LRBA: variants seen among roughly 807,000 people sequenced by gnomAD.
LRBA encodes the protein LPS responsive beige-like anchor protein.
Under a neutral mutation model 330.0 loss-of-function variants are expected in LRBA, and 176 were observed. The ratio of observed to expected loss-of-function variants is 0.53; its 90% CI spans 0.47 to 0.60. The LOEUF is 0.60. Ranked by LOEUF, LRBA falls within the 20% of genes least tolerant of loss-of-function variation. LRBA has a pLI of 0.00. For synonymous variants in LRBA, 1,230 were observed against 1,193.0 expected (o/e 1.03, Z -0.64); for missense variants, 3,259 against 3,444.8 (o/e 0.95, Z 1.35).
intron 31 of LRBA, 47 bp from the exon 32 acceptor site, chr4:150,808,445 A>C (rs776124504): frequency 1.9e-6 from 2 of 1,040,794 alleles, no homozygotes; most frequent in Non-Finnish European, 3.0e-6. Context: ...GCTTTTAGAT[A>C]TGAAGATTTA....
intron 47 of LRBA, among the ~76,000 whole-genome samples, chr4:150,380,132 T>C (rs1741985884): frequency 1.3e-5 from 2 of 149,158 alleles, no homozygotes; most frequent in African/African-American, 2.5e-5. Context: ...TGAGCCGAGA[T>C]CACGCCATTG....
At chr4:150,399,869 G>A (rs1745233517) in intron 47 of LRBA, among the ~76,000 whole-genome samples, 2 of 152,252 alleles carry the variant, frequency 1.3e-5, no homozygotes, top group African/African-American at 4.8e-5. Flanking sequence ...CCAGCTACAC[G>A]GGAGGCTGAG....
chr4:150,672,104 G>A (rs1782112467), intron 37 of LRBA, among the ~76,000 whole-genome samples: 1 of 152,106 alleles, frequency 6.6e-6, no homozygotes, highest in African/African-American at 2.4e-5. Flanking sequence ...TCCAATCTTT[G>A]ACTATTTAAA....
At chr4:150,350,567 C>CAAAAA (rs34934931) in intron 47 of LRBA, among the ~76,000 whole-genome samples, 25 of 138,458 alleles carry the variant, frequency 1.8e-4, no homozygotes, top group Admixed American at 3.6e-4. Context: ...AACTCCATCT[C>CAAAAA]AAAAAAAAAA....
intron 47 of LRBA, among the ~76,000 whole-genome samples, chr4:150,379,413 T>C (rs1392459187): frequency 6.6e-6 from 1 of 150,920 alleles, no homozygotes; most frequent in Non-Finnish European, 1.5e-5. Context: ...AAATATCAAG[T>C]TTGTATTAGA....
At chr4:150,665,560 T>C (rs994895661) in intron 37 of LRBA, among the ~76,000 whole-genome samples, 1 of 152,214 alleles carries the variant, frequency 6.6e-6, no homozygotes, top group African/African-American at 2.4e-5. Flanking sequence ...GCACCCCTTT[T>C]TAATCAACCT....
chr4:150,356,439 C>T (rs13435892), intron 47 of LRBA, among the ~76,000 whole-genome samples: 37,925 of 151,806 alleles, frequency 0.25, 4,839 homozygotes, highest in East Asian at 0.35. Flanking sequence ...TCTGAATTTG[C>T]AGTGAATCTG....
intron 36 of LRBA, among the ~76,000 whole-genome samples, chr4:150,694,870 T>A (rs889409967): frequency 6.6e-6 from 1 of 152,222 alleles, no homozygotes; most frequent in African/African-American, 2.4e-5. Context: ...TTATTCTATT[T>A]TTTTGCTTCA....
intron 48 of LRBA, among the ~76,000 whole-genome samples, chr4:150,329,294 T>C (rs1251536732): frequency 1.3e-5 from 2 of 152,222 alleles, no homozygotes; most frequent in Non-Finnish European, 2.9e-5. Flanking sequence ...GTGTGAAAAT[T>C]ATAGAATAAG....
At chr4:150,931,935 G>A (rs1038524507) in intron 2 of LRBA, among the ~76,000 whole-genome samples, 19 of 152,098 alleles carry the variant, frequency 1.2e-4, no homozygotes, top group African/African-American at 3.4e-4. Flanking sequence ...TGGGTTAGGC[G>A]TGGTGGCTCA....
At chr4:150,770,950 T>C (rs995585094) in intron 34 of LRBA, among the ~76,000 whole-genome samples, 35 of 152,166 alleles carry the variant, frequency 2.3e-4, no homozygotes, top group Admixed American at 2.0e-4. Flanking sequence ...TGTGGTATAG[T>C]TCAATTTCCC....
intron 40 of LRBA, chr4:150,579,677 A>G: frequency 2.2e-6 from 1 of 456,724 alleles, no homozygotes; most frequent in East Asian, 6.9e-5. Context: ...GGTGCAGCGG[A>G]GTGTCCGGCG....
At chr4:150,926,776 G>T (rs1171756237) in intron 4 of LRBA, among the ~76,000 whole-genome samples, 5 of 152,128 alleles carry the variant, frequency 3.3e-5, no homozygotes, top group Non-Finnish European at 7.4e-5. Flanking sequence ...GAACCAAATA[G>T]AATTTACAGA....
At position 150,504,884 on chromosome 4, in the gene LRBA, T is replaced by C. The variant is rs547300591; in HGVS notation, c.6331-13849A>G. Among the ~76,000 whole-genome samples the C allele has an allele frequency of 3.9e-5, 6 of 152,242 alleles. 1 individual carries two copies. The South Asian group carries it at 1.2e-3, about 32-fold the overall frequency. ...CAAAATAAAGGGATGGAGGAAGATC[T>C]ACCAAGCAAATGGAAAACAAAAAAA... On this transcript the variant is annotated intron_variant, in intron 40 of 56. Transcript: ENST00000651943.
At chr4:150,759,704 C>A (rs1391902710) in intron 35 of LRBA, among the ~76,000 whole-genome samples, 1 of 151,880 alleles carries the variant, frequency 6.6e-6, no homozygotes, top group Non-Finnish European at 1.5e-5. Flanking sequence ...TCTGTCAATG[C>A]CTATTTGAAT....
intron 2 of LRBA, among the ~76,000 whole-genome samples, chr4:150,953,042 G>A (rs910449422): frequency 1.3e-5 from 2 of 152,080 alleles, no homozygotes; most frequent in Admixed American, 1.3e-4. Context: ...CACTGCTAGA[G>A]TGTTAATGTG....
intron 35 of LRBA, among the ~76,000 whole-genome samples, chr4:150,737,137 G>T (rs1367393173): frequency 3.3e-5 from 5 of 152,136 alleles, no homozygotes; most frequent in Non-Finnish European, 7.4e-5. Flanking sequence ...AGCATCACTT[G>T]AGTCAATGAG....
intron 2 of LRBA, among the ~76,000 whole-genome samples, chr4:150,944,968 C>T (rs1736088518): frequency 6.6e-6 from 1 of 152,208 alleles, no homozygotes; most frequent in Non-Finnish European, 1.5e-5. Context: ...TAAGACGTGC[C>T]TTTGTTCCTC....
chr4:150,414,456 G>A (rs6535736), intron 47 of LRBA, among the ~76,000 whole-genome samples: 132,655 of 152,192 alleles, frequency 0.87, 58,684 homozygotes, highest in Non-Finnish European at 0.96. Context: ...AATGTAGAGT[G>A]TGGTAAACAT....
Sources: gnomAD v4.1 joint callset for allele counts (sites outside exome capture counted in the v4.1 genomes callset) on GRCh38, gnomAD v4.1.1 for gene constraint, MANE v1.5 for transcripts, NCBI Gene and HGNC (gene_info 2026-07-23, HGNC 2026-07-21) for gene names.